Variants in TRIM29 observed in about 807,000 individuals in gnomAD.
The protein encoded by TRIM29 is tripartite motif containing 29.
TRIM29 carries 52 observed loss-of-function variants against 57.3 expected under a neutral mutation model. The ratio of observed to expected loss-of-function variants is 0.91; its 90% CI spans 0.73 to 1.14. The LOEUF (loss-of-function observed/expected upper bound fraction) is 1.14. Among genes scored for constraint, TRIM29 ranks in the 50% most tolerant of loss-of-function variants. The probability of loss-of-function intolerance (pLI) is 0.00; values close to 1 mark genes in which losing one functional copy is unlikely to be tolerated. For synonymous variants in TRIM29, 319 were observed against 316.9 expected (o/e 1.01, Z -0.07); for missense variants, 753 against 774.6 (o/e 0.97, Z 0.33).
At chr11:120,125,911 A>G (rs1232264165) in intron 3 of TRIM29, 22 bp from the exon 4 acceptor site, 6 of 1,607,692 alleles carry the variant, frequency 3.7e-6, no homozygotes, top group South Asian at 1.1e-5. Flanking sequence ...GGAAAGAACC[A>G]TTAACTGCCT....
chr11:120,122,126 G>A, intron 5 of TRIM29: 2 of 323,164 alleles, frequency 6.2e-6, no homozygotes, highest in Non-Finnish European at 6.1e-6. Context: ...CCCATTGTGT[G>A]TGTGAGTGTG....
chr11:120,118,369 A>G, intron 6 of TRIM29, 48 bp from the exon 7 acceptor site: 1 of 1,468,706 alleles, frequency 6.8e-7, no homozygotes, highest in South Asian at 1.2e-5. Context: ...TGGGAGTGGG[A>G]GAGGAGGCAG....
At chr11:120,127,226 T>G in intron 3 of TRIM29, 110 bp downstream of exon 3, 7 of 890,342 alleles carry the variant, frequency 7.9e-6, no homozygotes, top group Admixed American at 4.4e-5. Context: ...GATGAACAGA[T>G]AGACGAATAG....
Position 120,137,468 on chromosome 11 carries a change from C to G in TRIM29, c.564G>C (p.Leu188=). 1 of 1,604,222 alleles carries G rather than the reference C, an allele frequency of 6.2e-7. No individual in the cohort carries two copies. Residue 188 remains leucine (L), a synonymous_variant, in exon 1 of 9, where the codon CTG becomes CTC. Transcript: ENST00000341846. The surrounding 1 kb of genome is among the most constrained non-coding windows in gnomAD (Gnocchi z 6.2). The stretch of plus-strand genomic sequence containing the variant: ...GCTCGCAGAAGGAGGCCTGGCACAC[C>G]AGGCAGGACTTGACCGCCTTCTGCT... ...GNKQKAVKSC[L]VCQASFCELH...
intron 1 of TRIM29, 89 bp from the exon 2 acceptor site, chr11:120,128,584 C>T (rs1298917184): frequency 1.0e-5 from 15 of 1,507,510 alleles, no homozygotes; most frequent in Non-Finnish European, 1.3e-5. Flanking sequence ...TCAGGGGGCA[C>T]ACTCGCAGCC....
chr11:120,126,819 T>C (rs1863600555), intron 3 of TRIM29, among the ~76,000 whole-genome samples: 1 of 152,254 alleles, frequency 6.6e-6, no homozygotes, highest in Non-Finnish European at 1.5e-5. Flanking sequence ...ATGTCTTATC[T>C]TCCCAGCTGG....
At chr11:120,126,014 G>A (rs1051192597) in intron 3 of TRIM29, 125 bp from the exon 4 acceptor site, 4 of 926,466 alleles carry the variant, frequency 4.3e-6, no homozygotes, top group Non-Finnish European at 6.4e-6. Flanking sequence ...CTTCCTCACT[G>A]GATGTTTGTT....
intron 5 of TRIM29, chr11:120,121,923 C>A (rs1415777711): frequency 2.2e-6 from 1 of 445,970 alleles, no homozygotes; most frequent in South Asian, 1.6e-5. Context: ...GCCGGCACTC[C>A]CAGAACTTGC....
At position 120,115,401 on chromosome 11, in the gene TRIM29, G is replaced by A. The variant is rs754974056; in HGVS notation, c.1641C>T (p.Leu547=). The change falls in exon 8 of 9, where the codon CTC becomes CTT. Residue 547 remains leucine, a synonymous_variant. Coordinates refer to ENST00000341846, the MANE Select transcript of TRIM29 (RefSeq NM_012101.4). ...SSFSLKGYPS[L]MRSQSPKAQP... is the part of the protein sequence containing the mutation. ...GGGCCTTGGGGCTTTGGCTCCGCAT[G>A]AGGGAGGGATAGCCTGGGAAGACAA... is the stretch of plus-strand genomic sequence containing the variant. The A allele has an allele frequency of 1.4e-5, 23 of 1,613,770 alleles. No homozygotes were observed. Among genetic ancestry groups the A allele is most frequent in the Admixed American group, 1.2e-4 (7 of 59,974 alleles).
intron 1 of TRIM29, chr11:120,128,856 G>A: frequency 6.7e-7 from 1 of 1,489,978 alleles, no homozygotes. Context: ...GGGACAATGG[G>A]AAGAGAAAGG....
At chr11:120,128,650 C>T (rs186955202) in intron 1 of TRIM29, 155 bp from the exon 2 acceptor site, 13 of 1,530,094 alleles carry the variant, frequency 8.5e-6, no homozygotes, top group Admixed American at 2.0e-5. Context: ...ATCAGGACCT[C>T]GGATATGCCA....
chr11:120,118,861 T>C (rs530291), intron 6 of TRIM29: 147,594 of 153,224 alleles, frequency 0.96, 71,150 homozygotes, highest in African/African-American at 0.99. Context: ...GCCTTCAGCT[T>C]CATCCCCACA....
intron 6 of TRIM29, among the ~76,000 whole-genome samples, chr11:120,119,347 G>A (rs1274852444): frequency 6.6e-6 from 1 of 152,194 alleles, no homozygotes. Context: ...TGTGGGGAGG[G>A]CTGGGGGCTG....
At chr11:120,114,195 G>A (rs1438034524) in intron 8 of TRIM29, among the ~76,000 whole-genome samples, 2 of 152,202 alleles carry the variant, frequency 1.3e-5, no homozygotes, top group Admixed American at 6.5e-5. Flanking sequence ...GGGCCTCAAA[G>A]TGCTGATGAG....
chr11:120,115,599 G>A, intron 7 of TRIM29, 185 bp from the exon 8 acceptor site: 1 of 591,462 alleles, frequency 1.7e-6, no homozygotes, highest in East Asian at 2.9e-5. Flanking sequence ...TGGGGAGGCT[G>A]GCCAAAGGGA....
rs1863152291 is a variant in TRIM29 at position 120,112,270 on chromosome 11, C to G, written c.*144G>C. 1 of 918,404 alleles carries G rather than the reference C, an allele frequency of 1.1e-6. No individual in the cohort carries two copies. Among genetic ancestry groups the G allele is most frequent in the Admixed American group, 2.6e-5 (1 of 38,434 alleles). The allele number at this position is 918,404 out of a possible 1,614,324, so 56.9% of individuals were successfully genotyped here. On this transcript the variant is annotated 3_prime_UTR_variant, in exon 9 of 9. Coordinates refer to ENST00000341846, the MANE Select transcript of TRIM29 (RefSeq NM_012101.4). ...GAAGTCGGAGAGGCCGGAACTGCCC[C>G]CAAGAGGCTGGCAGAGGGCTGCAGA...
intron 2 of TRIM29, among the ~76,000 whole-genome samples, chr11:120,128,125 G>A (rs1166132940): frequency 2.6e-5 from 4 of 152,140 alleles, no homozygotes; most frequent in African/African-American, 9.7e-5. Context: ...AGACATTGGA[G>A]GACATTGGAA....
Position 120,123,271 on chromosome 11 carries a change from C to T in TRIM29, c.1334-216G>A, listed in dbSNP as rs1259120975. 7.3e-6 allele frequency: 5 copies of T among 689,630 alleles called. No homozygotes were observed. The African/African-American group carries it at 8.8e-5, about 12-fold the overall frequency. The allele number at this position is 689,630 out of a possible 1,614,324, so 42.7% of individuals were successfully genotyped here. A position where few individuals can be genotyped will look rare whatever the true frequency, so the allele number is the denominator to read the frequency against. ...GAGAAGGTGTCTGCAAAGAGCCATC[C>T]ACCCTCTTGAACTAAGCCCTTGTAA... On this transcript the variant is annotated intron_variant, in intron 4 of 8. Coordinates refer to ENST00000341846, the MANE Select transcript of TRIM29 (RefSeq NM_012101.4).
At chr11:120,116,578 G>A (rs1243403636) in intron 7 of TRIM29, 2 of 154,064 alleles carry the variant, frequency 1.3e-5, no homozygotes, top group African/African-American at 4.8e-5. Context: ...GGAGGAGACA[G>A]AGCAAAGAAC....
Sources: allele counts gnomAD v4.1 joint callset (sites outside exome capture counted in the v4.1 genomes callset), GRCh38; gene constraint gnomAD v4.1.1; non-coding constraint Gnocchi (gnomAD v3.1); transcripts MANE v1.5; gene names NCBI Gene and HGNC (gene_info 2026-07-23, HGNC 2026-07-21).